FSIP2: variants seen among roughly 807,000 people sequenced by gnomAD.
FSIP2 encodes fibrous sheath-interacting protein 2.
In FSIP2, 367 loss-of-function variants were observed where a neutral mutation model predicts 510.5. The observed-to-expected ratio is 0.72, with a 90% CI of 0.66 to 0.78. The LOEUF (loss-of-function observed/expected upper bound fraction) is 0.78, where lower values mean the gene tolerates loss of function less well. Among genes scored for constraint, FSIP2 ranks in the 30% least tolerant of loss-of-function variants. The pLI is 0.00. For missense variants in FSIP2, 7,594 were observed against 7,901.7 expected (o/e 0.96, Z 1.48); for synonymous variants, 2,601 against 2,732.2 (o/e 0.95, Z 1.50).
intron 9 of FSIP2, among the ~76,000 whole-genome samples, chr2:185,756,931 T>A (rs1399227409): frequency 2.0e-5 from 3 of 151,336 alleles, no homozygotes; most frequent in African/African-American, 7.3e-5. Flanking sequence ...GAGTATGCAA[T>A]TTGCTTAGTT....
Position 185,788,443 on chromosome 2 carries a change from G to T in FSIP2, c.1507-200G>T, listed in dbSNP as rs752075187. ...ATCTTACACAAAAAAACACTTCACTGTAGTGCAGAATAAACTAACTAGAAA... is the reference window on the plus strand; with the variant it reads ...ATCTTACACAAAAAAACACTTCACTTTAGTGCAGAATAAACTAACTAGAAA... On this transcript the variant is annotated intron_variant, in intron 15 of 22. Coordinates refer to ENST00000424728, the MANE Select transcript of FSIP2 (RefSeq NM_173651.4). 7.9e-5 allele frequency among the ~76,000 whole-genome samples: 12 copies of T among 151,750 alleles called. No individual in the cohort carries two copies. In the East Asian group the frequency reaches 2.3e-3, roughly 29 times the overall value.
Position 185,764,547 on chromosome 2 carries a change from A to C in FSIP2, c.1393A>C (p.Ser465Arg), listed in dbSNP as rs1692423474. ...DWDGRPTKRS[S>R]YLCESGPQAH... Reference sequence around the variant, plus strand: ...GGATGGAAGACCAACCAAGAGATCAAGCTATCTCTGCGAATCAGGTAAATA... The same window carrying C: ...GGATGGAAGACCAACCAAGAGATCACGCTATCTCTGCGAATCAGGTAAATA... Residue 465 changes from serine (S) to arginine (R), a missense_variant, in exon 13 of 23, where the codon AGC becomes CGC. Transcript: ENST00000424728. The C allele has an allele frequency of 6.5e-7, 1 of 1,528,178 alleles. No individual in the cohort carries two copies. Among genetic ancestry groups the C allele is most frequent in the Non-Finnish European group, 8.8e-7 (1 of 1,140,568 alleles). The allele number at this position is 1,528,178 out of a possible 1,614,324, so 94.7% of individuals were successfully genotyped here. A position where few individuals can be genotyped will look rare whatever the true frequency, so the allele number is the denominator to read the frequency against.
Position 185,797,441 on chromosome 2 carries a change from T to C in FSIP2, c.10305T>C (p.His3435=), listed in dbSNP as rs1190447340. ...TTGAAGCCTTTACTTTTGCTGATCA[T>C]GAAATGGGTTCCAATGAAGTTCATC... The part of the protein sequence containing the change: ...KEVEAFTFAD[H]EMGSNEVHLI... Residue 3435 remains histidine (H), a synonymous_variant, in exon 16 of 23, where the codon CAT becomes CAC. Transcript: ENST00000424728. The C allele has an allele frequency of 6.5e-7, 1 of 1,531,672 alleles. No homozygotes were observed. 94.9% of individuals were successfully genotyped at this position (1,531,672 alleles called of 1,614,324 possible).
At position 185,795,315 on chromosome 2, in the gene FSIP2, G is replaced by T; in HGVS notation, c.8179G>T (p.Asp2727Tyr). Residue 2727 changes from aspartate to tyrosine, a missense_variant, in exon 16 of 23, where the codon GAC becomes TAC. Physicochemically the swap from Asp to Tyr is radical, Grantham distance 160. Transcript: ENST00000424728. ...AGCTGGAGATGCCAAAAATTTACTG[G>T]ACACAAAATTGCCCACTTCAGAACT... ...MSAGDAKNLL[D>Y]TKLPTSELKI... The T allele has an allele frequency of 1.3e-6, 2 of 1,534,870 alleles. No individual in the cohort carries two copies. The highest frequency in any genetic ancestry group is 1.7e-6 in the Non-Finnish European group (2 of 1,146,190).
Position 185,791,445 on chromosome 2 carries a change from G to A in FSIP2, c.4309G>A (p.Gly1437Arg). 1 of 1,534,114 alleles carries A rather than the reference G, an allele frequency of 6.5e-7. No homozygotes were observed. Among genetic ancestry groups the A allele is most frequent in the Non-Finnish European group, 8.7e-7 (1 of 1,145,540 alleles). Residue 1437 changes from glycine to arginine, a missense_variant, in exon 16 of 23, where the codon GGG (glycine) becomes AGG (arginine). By Grantham distance (125) the Gly-to-Arg change is moderately radical. Coordinates refer to ENST00000424728, the MANE Select transcript of FSIP2 (RefSeq NM_173651.4). ...NAKLQVLERIGETLHEMLSKL... is the reference protein window; with the variant it reads ...NAKLQVLERIRETLHEMLSKL... ...AAAATTGCAAGTGTTAGAAAGAATT[G>A]GGGAAACACTACATGAAATGTTAAG...
chr2:185,746,668 G>T lies in FSIP2; in HGVS notation c.618-1G>T, dbSNP rs1486596918. ...TTAGCAATATTTGCACTCTTACTCA[G>T]ATATTTGGATATGATAAGTAGAAAA... On this transcript the variant is annotated splice_acceptor_variant, in intron 5 of 22. Coordinates refer to ENST00000424728, the MANE Select transcript of FSIP2 (RefSeq NM_173651.4). LOFTEE classifies it high-confidence loss of function. 3.3e-6 allele frequency: 5 copies of T among 1,506,120 alleles called. No individual in the cohort carries two copies. Among genetic ancestry groups the T allele is most frequent in the Non-Finnish European group, 3.5e-6 (4 of 1,134,986 alleles). The allele number at this position is 1,506,120 out of a possible 1,614,324, so 93.3% of individuals were successfully genotyped here.
intron 7 of FSIP2, among the ~76,000 whole-genome samples, chr2:185,749,250 C>T (rs914059677): frequency 1.3e-5 from 2 of 151,864 alleles, no homozygotes; most frequent in Non-Finnish European, 2.9e-5. Context: ...CAATTTACCT[C>T]TTTATAATAT....
Position 185,761,083 on chromosome 2 carries a change from G to C in FSIP2, c.1174G>C (p.Asp392His). 7.2e-7 allele frequency: 1 copy of C among 1,394,856 alleles called. No individual in the cohort carries two copies. Among genetic ancestry groups the C allele is most frequent in the Non-Finnish European group, 9.7e-7 (1 of 1,033,136 alleles). The allele number at this position is 1,394,856 out of a possible 1,614,324, so 86.4% of individuals were successfully genotyped here. A position where few individuals can be genotyped will look rare whatever the true frequency, so the allele number is the denominator to read the frequency against. Residue 392 changes from aspartate (D) to histidine (H), a missense_variant, in exon 10 of 23, where the codon GAT (aspartate) becomes CAT (histidine). Transcript: ENST00000424728. Reference protein sequence around the residue: ...ASVVYQADVQDNGINQKRDGM... With the variant: ...ASVVYQADVQHNGINQKRDGM... ...TGTTGTTTATCAGGCAGATGTACAG[G>C]ATAATGGTATAAATCAAAAGGTATA... is the stretch of plus-strand genomic sequence containing the variant.
In FSIP2 at chr2:185,815,528, T is replaced by C. The variant is rs900414600; in HGVS notation, c.20426+57T>C. 3 of 816,434 alleles carry C rather than the reference T, an allele frequency of 3.7e-6. No individual in the cohort carries two copies. The Admixed American group carries it at 8.5e-5, about 23-fold the overall frequency. 50.6% of individuals were successfully genotyped at this position (816,434 alleles called of 1,614,324 possible). On this transcript the variant is annotated intron_variant, in intron 19 of 22. Coordinates refer to ENST00000424728, the MANE Select transcript of FSIP2 (RefSeq NM_173651.4). The stretch of plus-strand genomic sequence containing the variant: ...AATCTGATAAAGTAGAGCTTATGAG[T>C]AGAATGGGGCCCCTGGCAAAACTGT...
rs766231536 is a variant in FSIP2 at position 185,806,458 on chromosome 2, A to G, written c.17152A>G (p.Ile5718Val). 71 of 1,611,556 alleles carry G rather than the reference A, an allele frequency of 4.4e-5. 1 individual carries two copies. In the South Asian group the frequency reaches 7.6e-4, roughly 17 times the overall value. The stretch of plus-strand genomic sequence containing the variant: ...CCCAGGTGATAATGTATTAAATGTA[A>G]TTCAAGAGATTAGCAGGGATTCGGC... The part of the protein sequence containing the change: ...SPPGDNVLNV[I>V]QEISRDSAQS... The change falls in exon 17 of 23, where the codon ATT becomes GTT. Residue 5718 changes from isoleucine to valine, a missense_variant. By Grantham distance (29) the Ile-to-Val change is conservative. Coordinates refer to ENST00000424728, the MANE Select transcript of FSIP2 (RefSeq NM_173651.4).
intron 17 of FSIP2, among the ~76,000 whole-genome samples, chr2:185,812,348 G>T (rs976607154): frequency 6.6e-6 from 1 of 152,088 alleles, no homozygotes; most frequent in South Asian, 2.1e-4. Flanking sequence ...AGCCCCTTCT[G>T]TCAGGCCAAT....
At chr2:185,797,799 C>T (rs1466572409) in intron 16 of FSIP2, 4 of 292,338 alleles carry the variant, frequency 1.4e-5, no homozygotes, top group Non-Finnish European at 2.5e-5. Flanking sequence ...AGACATCCTC[C>T]CATCTCAGCC....
chr2:185,746,923 T>C, intron 6 of FSIP2, 113 bp downstream of exon 6: 3 of 752,052 alleles, frequency 4.0e-6, no homozygotes, highest in Non-Finnish European at 6.1e-6. Context: ...TTCAAAATAA[T>C]TTGTTACCAT....
At chr2:185,787,625 G>A (rs548986082) in intron 15 of FSIP2, among the ~76,000 whole-genome samples, 1 of 151,818 alleles carries the variant, frequency 6.6e-6, no homozygotes, top group East Asian at 1.9e-4. Flanking sequence ...GATGAGTTTT[G>A]TAAGCACAAA....
Position 185,802,689 on chromosome 2 carries a change from C to A in FSIP2, c.13383C>A (p.Asn4461Lys). ...TEPSQSVPLY[N>K]TLLPYTFLED... The stretch of plus-strand genomic sequence containing the variant: ...CAAGCCAGAGTGTACCTCTATATAA[C>A]ACCTTGCTGCCATACACATTTTTAG... The change falls in exon 17 of 23, where the codon AAC becomes AAA. Residue 4461 changes from asparagine to lysine, a missense_variant. Asn to Lys is a moderately conservative substitution (Grantham distance 94). Coordinates refer to ENST00000424728, the MANE Select transcript of FSIP2 (RefSeq NM_173651.4). The A allele has an allele frequency of 6.5e-7, 1 of 1,529,152 alleles. No homozygotes were observed. Among genetic ancestry groups the A allele is most frequent in the Non-Finnish European group, 8.7e-7 (1 of 1,143,922 alleles). 94.7% of individuals were successfully genotyped at this position (1,529,152 alleles called of 1,614,324 possible). A position where few individuals can be genotyped will look rare whatever the true frequency, so the allele number is the denominator to read the frequency against.
At chr2:185,739,285 G>A (rs1691871583) in intron 1 of FSIP2, 61 bp from the exon 2 acceptor site, 14 of 1,458,266 alleles carry the variant, frequency 9.6e-6, no homozygotes. Context: ...AAGTAGATTG[G>A]TCTAAACTAA....
chr2:185,800,860 A>T lies in FSIP2; in HGVS notation c.11554A>T (p.Met3852Leu). The T allele has an allele frequency of 6.5e-7, 1 of 1,534,338 alleles. No individual in the cohort carries two copies. The highest frequency in any genetic ancestry group is 2.4e-5 in the East Asian group (1 of 40,836). ...TTCCCACAGCTTGGTTAAATCATTG[A>T]TGGACAAATTATCTCACAGCATACA... ...IISHSLVKSL[M>L]DKLSHSIQQA... The change falls in exon 17 of 23, where the codon ATG (methionine) becomes TTG (leucine). Residue 3852 changes from methionine (M) to leucine (L), a missense_variant. Physicochemically the swap from Met to Leu is conservative, Grantham distance 15. Coordinates refer to ENST00000424728, the MANE Select transcript of FSIP2 (RefSeq NM_173651.4).
In FSIP2 at chr2:185,801,641, T is replaced by C; in HGVS notation, c.12335T>C (p.Ile4112Thr). The C allele has an allele frequency of 6.5e-7, 1 of 1,530,106 alleles. No individual in the cohort carries two copies. Among genetic ancestry groups the C allele is most frequent in the Non-Finnish European group, 8.7e-7 (1 of 1,144,176 alleles). The allele number at this position is 1,530,106 out of a possible 1,614,324, so 94.8% of individuals were successfully genotyped here. The change falls in exon 17 of 23, where the codon ATT (isoleucine) becomes ACT (threonine). Residue 4112 changes from isoleucine (I) to threonine (T), a missense_variant. Ile to Thr is a moderately conservative substitution (Grantham distance 89). Transcript: ENST00000424728. ...TCATATTACCCTCTCAAACCTGAAA[T>C]TATATTGCAAAAGCTTCAAAGTAAC... ...PHSYYPLKPE[I>T]ILQKLQSNLT...
At chr2:185,786,523 G>T (rs1409110503) in intron 15 of FSIP2, among the ~76,000 whole-genome samples, 1 of 151,904 alleles carries the variant, frequency 6.6e-6, no homozygotes, top group Non-Finnish European at 1.5e-5. Flanking sequence ...GGTCTCATGG[G>T]TATAGAATGG....
Sources: gnomAD v4.1 joint callset for allele counts (sites outside exome capture counted in the v4.1 genomes callset) on GRCh38, gnomAD v4.1.1 for gene constraint, MANE v1.5 for transcripts, NCBI Gene and HGNC (gene_info 2026-07-23, HGNC 2026-07-21) for gene names.